PLEKHA5: variants seen among roughly 807,000 people sequenced by gnomAD.
PLEKHA5 encodes pleckstrin homology domain-containing family A member 5.
Under a neutral mutation model 181.9 loss-of-function variants are expected in PLEKHA5, and 55 were observed. That is an observed-to-expected ratio of 0.30 (90% CI 0.24 to 0.38). The LOEUF (loss-of-function observed/expected upper bound fraction) is 0.38, where lower values mean the gene tolerates loss of function less well. PLEKHA5 is among the 10% of genes least tolerant of loss of function. The pLI is 1.00. For synonymous variants in PLEKHA5, 535 were observed against 529.4 expected, an observed-to-expected ratio of 1.01 and a Z score of -0.15; for missense variants, 1,432 against 1,549.5, an observed-to-expected ratio of 0.92 and a Z score of 1.27.
Position 19,274,587 on chromosome 12 carries a change from T to A in PLEKHA5, c.917T>A (p.Ile306Asn). ...AACATTCCCAACCATAGAGTGCTAA[T>A]TAAACCAGAGATCCAAAACAATCAA... is the stretch of plus-strand genomic sequence containing the variant. Reference protein sequence around the residue: ...TNNIPNHRVLIKPEIQNNQKN... With the variant: ...TNNIPNHRVLNKPEIQNNQKN... Residue 306 changes from isoleucine (I) to asparagine (N), a missense_variant, in exon 11 of 32, where the codon ATT becomes AAT. Around this residue, in one of 2 missense-constraint regions of PLEKHA5, gnomAD observed 289 missense variants for 381.1 expected, o/e 0.76. Transcript: ENST00000429027. 1 of 1,613,634 alleles carries A rather than the reference T, an allele frequency of 6.2e-7. No individual in the cohort carries two copies. Among genetic ancestry groups the A allele is most frequent in the South Asian group, 1.1e-5 (1 of 91,064 alleles).
chr12:19,230,397 G>A (rs896251358), intron 3 of PLEKHA5, among the ~76,000 whole-genome samples: 19 of 152,290 alleles, frequency 1.2e-4, no homozygotes, highest in African/African-American at 3.8e-4. Context: ...GGGACCGGGC[G>A]TCGCAGAGCG....
chr12:19,165,432 ACT>A (rs924904316), intron 3 of PLEKHA5, among the ~76,000 whole-genome samples: 5 of 142,640 alleles, frequency 3.5e-5, no homozygotes, highest in Non-Finnish European at 6.1e-5. Context: ...TTTTCTGTGT[ACT>A]CTATTTTTTT....
rs535806660 is a variant in PLEKHA5 at position 19,186,231 on chromosome 12, T to C, written c.227+53781T>C. ...CAGTTCAGTAGAAAATGACGATATA[T>C]AGAAATATAATTCAATAAACTGTTT... On this transcript the variant is annotated intron_variant, in intron 3 of 31. Coordinates refer to ENST00000429027, the MANE Select transcript of PLEKHA5 (RefSeq NM_001256470.2). Among the ~76,000 whole-genome samples the C allele has an allele frequency of 3.9e-5, 6 of 152,336 alleles. No homozygotes were observed. The East Asian group carries it at 7.7e-4, about 20-fold the overall frequency.
At position 19,130,103 on chromosome 12, in the gene PLEKHA5, G is replaced by T; in HGVS notation, c.142G>T (p.Val48Phe). ...WLHPVTGEAV[V>F]TGHRRQSTDL... is the part of the protein sequence containing the mutation. ...GCACCCCGTCACCGGCGAGGCGGTGGTCACCGGACACCGGCGGCAGAGCAC... is the reference window on the plus strand; with the variant it reads ...GCACCCCGTCACCGGCGAGGCGGTGTTCACCGGACACCGGCGGCAGAGCAC... Residue 48 changes from valine to phenylalanine, a missense_variant, in exon 2 of 32, where the codon GTC (valine) becomes TTC (phenylalanine). Val to Phe is a conservative substitution (Grantham distance 50). Coordinates refer to ENST00000429027, the MANE Select transcript of PLEKHA5 (RefSeq NM_001256470.2). This position sits in a 1 kb window ranked among gnomAD's most constrained non-coding sequence, Gnocchi z 4.5. 1 of 1,585,580 alleles carries T rather than the reference G, an allele frequency of 6.3e-7. No individual in the cohort carries two copies. Among genetic ancestry groups the T allele is most frequent in the Non-Finnish European group, 8.6e-7 (1 of 1,167,374 alleles).
chr12:19,344,506 T>C (rs1007387005), intron 22 of PLEKHA5, among the ~76,000 whole-genome samples: 3 of 152,230 alleles, frequency 2.0e-5, no homozygotes, highest in African/African-American at 7.2e-5. Context: ...GTATGTTGTT[T>C]CCAGAGTTTT....
chr12:19,232,626 A>G (rs927319367), intron 3 of PLEKHA5, among the ~76,000 whole-genome samples: 1 of 152,164 alleles, frequency 6.6e-6, no homozygotes, highest in African/African-American at 2.4e-5. Flanking sequence ...CTAGTGTATG[A>G]AGGGCTTTCT....
At chr12:19,374,011 A>T (rs550582226) in intron 31 of PLEKHA5, among the ~76,000 whole-genome samples, 1 of 152,304 alleles carries the variant, frequency 6.6e-6, no homozygotes, top group Admixed American at 6.5e-5. Context: ...TTCTAGTCTC[A>T]TGGTATGCAA....
rs1205801873 is a variant in PLEKHA5 at position 19,283,603 on chromosome 12, C to G, written c.1637C>G (p.Ser546Cys). ...MVNISDQTMH[S>C]IPTSPSHGSI... ...AATATTTCTGACCAGACAATGCACTCTATTCCCACATCACCTTCCCACGGG... is the reference window on the plus strand; with the variant it reads ...AATATTTCTGACCAGACAATGCACTGTATTCCCACATCACCTTCCCACGGG... Residue 546 changes from serine to cysteine, a missense_variant, in exon 12 of 32, where the codon TCT (serine) becomes TGT (cysteine). Around this residue, in one of 2 missense-constraint regions of PLEKHA5, gnomAD observed 1,143 missense variants for 1,168.4 expected, o/e 0.98. Coordinates refer to ENST00000429027, the MANE Select transcript of PLEKHA5 (RefSeq NM_001256470.2). 6.2e-7 allele frequency: 1 copy of G among 1,614,058 alleles called. No individual in the cohort carries two copies. Among genetic ancestry groups the G allele is most frequent in the East Asian group, 2.2e-5 (1 of 44,862 alleles).
chr12:19,242,560 G>C (rs750889078), intron 3 of PLEKHA5, among the ~76,000 whole-genome samples: 1 of 152,120 alleles, frequency 6.6e-6, no homozygotes, highest in Non-Finnish European at 1.5e-5. Flanking sequence ...GATTCTCAGT[G>C]TGTATGCTGG....
At chr12:19,163,672 A>ATCTG (rs751262513) in intron 3 of PLEKHA5, among the ~76,000 whole-genome samples, 3 of 151,630 alleles carry the variant, frequency 2.0e-5, no homozygotes, top group Non-Finnish European at 4.4e-5. Flanking sequence ...TGGTCTTCCT[A>ATCTG]TCTATCTATC....
intron 11 of PLEKHA5, among the ~76,000 whole-genome samples, chr12:19,279,213 T>C (rs1324727790): frequency 6.6e-6 from 1 of 152,180 alleles, no homozygotes; most frequent in Non-Finnish European, 1.5e-5. Flanking sequence ...TTTTTAAAAA[T>C]AATATTCATA....
intron 16 of PLEKHA5, among the ~76,000 whole-genome samples, chr12:19,316,065 A>G (rs183088232): frequency 6.6e-6 from 1 of 152,130 alleles, no homozygotes; most frequent in African/African-American, 2.4e-5. Context: ...TTGGTACTCT[A>G]TTCCAAAGTA....
chr12:19,315,619 T>C (rs2088327917), intron 16 of PLEKHA5, among the ~76,000 whole-genome samples: 1 of 152,162 alleles, frequency 6.6e-6, no homozygotes, highest in African/African-American at 2.4e-5. Flanking sequence ...TATGTGTTTC[T>C]CAACATCAGC....
chr12:19,216,076 C>T (rs1415572898), intron 3 of PLEKHA5, among the ~76,000 whole-genome samples: 3 of 152,026 alleles, frequency 2.0e-5, no homozygotes, highest in African/African-American at 4.8e-5. Flanking sequence ...GCTCCGTTTC[C>T]CATTGTAAAA....
chr12:19,345,887 A>G lies in PLEKHA5; in HGVS notation c.2708A>G (p.Glu903Gly). ...KPFSTVKYKN[E>G]EEEVVPPRPP... ...TTCTCAACAGTTAAGTACAAAAATGAGGTAAGTTTGGATTGTTTTTCTAAT... is the reference window on the plus strand; with the variant it reads ...TTCTCAACAGTTAAGTACAAAAATGGGGTAAGTTTGGATTGTTTTTCTAAT... The change falls in exon 23 of 32, where the codon GAG becomes GGG. Residue 903 changes from glutamate (E) to glycine (G), a missense_variant and splice_region_variant. By Grantham distance (98) the Glu-to-Gly change is moderately conservative. This residue lies in a region of PLEKHA5 where 1,143 missense variants were observed against 1,168.4 expected (regional missense o/e 0.98). Transcript: ENST00000429027. 1 of 1,454,574 alleles carries G rather than the reference A, an allele frequency of 6.9e-7. No homozygotes were observed. Among genetic ancestry groups the G allele is most frequent in the Non-Finnish European group, 9.6e-7 (1 of 1,042,894 alleles). The allele number at this position is 1,454,574 out of a possible 1,614,324, so 90.1% of individuals were successfully genotyped here.
intron 31 of PLEKHA5, chr12:19,370,842 AC>A (rs2095557047): frequency 6.6e-6 from 1 of 151,984 alleles, no homozygotes; most frequent in Non-Finnish European, 1.5e-5. Context: ...AGTGCACGCC[AC>A]CACACTCGGC....
intron 3 of PLEKHA5, among the ~76,000 whole-genome samples, chr12:19,161,590 T>C (rs1475579432): frequency 6.6e-6 from 1 of 152,178 alleles, no homozygotes; most frequent in African/African-American, 2.4e-5. Context: ...GTGATCCCAG[T>C]GTGCAGCCAA....
At chr12:19,170,258 G>A (rs1003239812) in intron 3 of PLEKHA5, among the ~76,000 whole-genome samples, 3 of 152,122 alleles carry the variant, frequency 2.0e-5, no homozygotes, top group African/African-American at 7.2e-5. Context: ...GGCTTATATG[G>A]AATGTTTTTT....
rs998898478 is a variant in PLEKHA5, at chr12:19,337,926, G to T, written c.2550+1310G>T. On this transcript the variant is annotated intron_variant, in intron 21 of 31. Transcript: ENST00000429027. Reference sequence around the variant, plus strand: ...GGCACCTGTAATCCCAGCTACTCCAGAGGCTGAGGCAGGAGAATCGCTTGA... The same window carrying T: ...GGCACCTGTAATCCCAGCTACTCCATAGGCTGAGGCAGGAGAATCGCTTGA... 1.4e-4 allele frequency among the ~76,000 whole-genome samples: 21 copies of T among 151,842 alleles called. 1 individual carries two copies. The highest frequency in any genetic ancestry group is 4.4e-5 in the Non-Finnish European group (3 of 68,000).
Sources: allele counts gnomAD v4.1 joint callset (sites outside exome capture counted in the v4.1 genomes callset), GRCh38; gene constraint gnomAD v4.1.1; regional missense constraint gnomAD v4.1.1; non-coding constraint Gnocchi (gnomAD v3.1); transcripts MANE v1.5; gene names NCBI Gene and HGNC (gene_info 2026-07-23, HGNC 2026-07-21).